The following TJP1 variants were observed in gnomAD, a reference collection of about 807,000 sequenced individuals.
The protein encoded by TJP1 is tight junction protein 1.
In TJP1, 43 loss-of-function variants were observed where a neutral mutation model predicts 194.2. The observed-to-expected ratio is 0.22, with a 90% CI of 0.17 to 0.29. The LOEUF (loss-of-function observed/expected upper bound fraction) is 0.29. Among genes scored for constraint, TJP1 ranks in the 10% least tolerant of loss-of-function variants. TJP1 has a pLI of 1.00. For missense variants in TJP1, 1,971 were observed against 2,185.7 expected (o/e 0.90, Z 1.96); for synonymous variants, 801 against 779.0 (o/e 1.03, Z -0.47).
intron 2 of TJP1, among the ~76,000 whole-genome samples, chr15:29,897,252 G>A (rs1352112984): frequency 6.6e-6 from 1 of 152,206 alleles, no homozygotes; most frequent in Admixed American, 6.5e-5. Flanking sequence ...CTAAGGTACG[G>A]TTCAGGCCGT....
intron 23 of TJP1, among the ~76,000 whole-genome samples, chr15:29,712,752 G>T (rs534407697): frequency 1.3e-5 from 2 of 150,872 alleles, no homozygotes; most frequent in Admixed American, 1.3e-4. Context: ...TCAAATCAAA[G>T]AGTGGTGATC....
At chr15:29,965,154 A>T (rs759051361) in intron 1 of TJP1, among the ~76,000 whole-genome samples, 1 of 152,054 alleles carries the variant, frequency 6.6e-6, no homozygotes, top group Non-Finnish European at 1.5e-5. Context: ...ATCTTCACAT[A>T]TGCCTTGACC....
chr15:29,915,380 G>T (rs1354818729), intron 2 of TJP1, among the ~76,000 whole-genome samples: 1 of 152,056 alleles, frequency 6.6e-6, no homozygotes, highest in Non-Finnish European at 1.5e-5. Context: ...AAAACCTAAT[G>T]ATTCCCCAAT....
At position 29,718,370 on chromosome 15, in the gene TJP1, C is replaced by T; in HGVS notation, c.3772G>A (p.Ala1258Thr). 6.2e-7 allele frequency: 1 copy of T among 1,614,104 alleles called. No homozygotes were observed. The highest frequency in any genetic ancestry group is 8.5e-7 in the Non-Finnish European group (1 of 1,180,034). ...GTGAGTACAGACTGTGGCTTCATTG[C>T]TGGATCTTCCTCTTCTTCGGTTTGA... ...PTQTEEEEDP[A>T]MKPQSVLTRV... is the part of the protein sequence containing the mutation. Residue 1258 changes from alanine to threonine, a missense_variant, in exon 21 of 28, where the codon GCA becomes ACA. Around this residue, in one of 5 missense-constraint regions of TJP1, gnomAD observed 1,108 missense variants for 1,128.5 expected, o/e 0.98. Coordinates refer to ENST00000614355, the MANE Select transcript of TJP1 (RefSeq NM_001330239.4).
intron 2 of TJP1, among the ~76,000 whole-genome samples, chr15:29,869,489 C>T (rs569736019): frequency 9.3e-4 from 141 of 152,282 alleles, no homozygotes; most frequent in Middle Eastern, 3.4e-3. Flanking sequence ...TCAGCAATCC[C>T]TGAGCCACAA....
chr15:29,820,638 T>G, intron 1 of TJP1: 1 of 712,190 alleles, frequency 1.4e-6, no homozygotes, highest in South Asian at 1.5e-5. Flanking sequence ...AGGAACAAAG[T>G]GACATTCTGT....
chr15:29,925,819 T>C (rs1016858255), intron 2 of TJP1, among the ~76,000 whole-genome samples: 1 of 152,226 alleles, frequency 6.6e-6, no homozygotes, highest in Non-Finnish European at 1.5e-5. Context: ...TTTTCATTAT[T>C]GACACAAGCA....
intron 1 of TJP1, among the ~76,000 whole-genome samples, chr15:29,958,297 T>A (rs1400198491): frequency 6.6e-6 from 1 of 152,048 alleles, no homozygotes; most frequent in African/African-American, 2.4e-5. Context: ...TTTAGTTTTT[T>A]TTTTTTTTAA....
chr15:29,759,295 T>A (rs1384865976), intron 8 of TJP1: 4 of 152,214 alleles, frequency 2.6e-5, no homozygotes, highest in Admixed American at 1.3e-4. Context: ...TAATCCTAAA[T>A]CATCTCTTCA....
intron 2 of TJP1, among the ~76,000 whole-genome samples, chr15:29,925,925 C>G (rs1450528482): frequency 6.6e-6 from 1 of 152,218 alleles, no homozygotes; most frequent in East Asian, 1.9e-4. Context: ...TAATCTTTCC[C>G]TCCAATAATG....
chr15:29,792,813 G>T (rs933921926), intron 2 of TJP1, among the ~76,000 whole-genome samples: 1 of 152,080 alleles, frequency 6.6e-6, no homozygotes, highest in Admixed American at 6.6e-5. Flanking sequence ...TTTCATTGTA[G>T]AAATCTTTCA....
intron 2 of TJP1, among the ~76,000 whole-genome samples, chr15:29,945,484 T>C (rs780461672): frequency 2.0e-5 from 3 of 152,124 alleles, no homozygotes; most frequent in African/African-American, 7.2e-5. Flanking sequence ...GCTCCTCTAC[T>C]CTCTCTCACT....
intron 2 of TJP1, among the ~76,000 whole-genome samples, chr15:29,793,041 C>T (rs1444125717): frequency 6.6e-6 from 1 of 152,162 alleles, no homozygotes; most frequent in Non-Finnish European, 1.5e-5. Flanking sequence ...ATTTAAGATA[C>T]TATTGTCTGC....
chr15:29,790,433 T>C lies in TJP1; in HGVS notation c.84+10213A>G, dbSNP rs180770676. Among the ~76,000 whole-genome samples the C allele has an allele frequency of 1.2e-3, 105 of 85,188 alleles. 1 individual carries two copies. The highest frequency in any genetic ancestry group is 3.1e-3 in the Admixed American group (21 of 6,782). The allele number at this position is 85,188 out of a possible 152,430, so 55.9% of individuals were successfully genotyped here. A position where few individuals can be genotyped will look rare whatever the true frequency, so the allele number is the denominator to read the frequency against. On this transcript the variant is annotated intron_variant, in intron 2 of 27. Transcript: ENST00000614355. ...TATTATAGTAAACAGTAGTTGTATA[T>C]ATTTATGGGATCCACATCATACATT...
chr15:29,852,873 C>T (rs2051698269), intron 2 of TJP1, among the ~76,000 whole-genome samples: 1 of 151,380 alleles, frequency 6.6e-6, no homozygotes, highest in Non-Finnish European at 1.5e-5. Context: ...CATTGCATTC[C>T]AGCCTGGGCA....
At chr15:29,807,782 A>G (rs2049209746) in intron 1 of TJP1, among the ~76,000 whole-genome samples, 1 of 152,230 alleles carries the variant, frequency 6.6e-6, no homozygotes, top group South Asian at 2.1e-4. Flanking sequence ...TAAAATAAAA[A>G]GTTTAAAAAA....
chr15:29,943,996 ACCT>A, intron 2 of TJP1, among the ~76,000 whole-genome samples: 1 of 152,234 alleles, frequency 6.6e-6, no homozygotes, highest in East Asian at 1.9e-4. Context: ...AAAATTTTCT[ACCT>A]GTTAAGGTAC....
chr15:29,920,333 G>C (rs943759174), intron 2 of TJP1, among the ~76,000 whole-genome samples: 1 of 152,110 alleles, frequency 6.6e-6, no homozygotes, highest in African/African-American at 2.4e-5. Context: ...AAAATATAAG[G>C]CTACTCCTCT....
At chr15:29,935,776 T>C (rs2054863285) in intron 2 of TJP1, among the ~76,000 whole-genome samples, 3 of 152,070 alleles carry the variant, frequency 2.0e-5, no homozygotes, top group Non-Finnish European at 4.4e-5. Context: ...GGGCCATCAT[T>C]TCAATCACCC....
Sources: gnomAD v4.1 joint callset for allele counts (sites outside exome capture counted in the v4.1 genomes callset) on GRCh38, gnomAD v4.1.1 for gene constraint, gnomAD v4.1.1 regional missense constraint, MANE v1.5 for transcripts, NCBI Gene and HGNC (gene_info 2026-07-23, HGNC 2026-07-21) for gene names.